CHSY3: variants seen among roughly 807,000 people sequenced by gnomAD.
CHSY3 encodes chondroitin sulfate synthase 3.
Under a neutral mutation model 67.2 loss-of-function variants are expected in CHSY3, and 35 were observed. The ratio of observed to expected loss-of-function variants is 0.52; its 90% CI spans 0.40 to 0.69. The LOEUF (loss-of-function observed/expected upper bound fraction) is 0.69. CHSY3 is among the 30% of genes least tolerant of loss of function. CHSY3 has a pLI of 0.00. For synonymous variants in CHSY3, 474 were observed against 434.7 expected, an observed-to-expected ratio of 1.09 and a Z score of -1.12; for missense variants, 1,069 against 1,138.5, an observed-to-expected ratio of 0.94 and a Z score of 0.88.
intron 2 of CHSY3, among the ~76,000 whole-genome samples, chr5:129,932,502 A>G (rs1761349504): frequency 6.6e-6 from 1 of 152,272 alleles, no homozygotes. Context: ...ATTGGACACC[A>G]TAACTAGCCA....
chr5:130,028,069 C>G (rs1277098621), intron 2 of CHSY3, among the ~76,000 whole-genome samples: 8 of 152,066 alleles, frequency 5.3e-5, no homozygotes, highest in African/African-American at 1.7e-4. Flanking sequence ...AATGGTTGAA[C>G]TAGTTTAATG....
chr5:130,001,855 A>T, intron 2 of CHSY3: 1 of 905,892 alleles, frequency 1.1e-6, no homozygotes, highest in East Asian at 1.2e-4. Flanking sequence ...AATTTAACCC[A>T]CTAATATAAT....
At chr5:129,997,342 A>G (rs1186729862) in intron 2 of CHSY3, among the ~76,000 whole-genome samples, 3 of 152,154 alleles carry the variant, frequency 2.0e-5, no homozygotes, top group Non-Finnish European at 4.4e-5. Context: ...TTTTAACCTC[A>G]TTTTTTAATT....
At chr5:130,098,171 ATC>A (rs1187802001) in intron 2 of CHSY3, among the ~76,000 whole-genome samples, 1 of 152,264 alleles carries the variant, frequency 6.6e-6, no homozygotes, top group African/African-American at 2.4e-5. Context: ...CCCTTGAAGT[ATC>A]CCTCATGAGA....
At chr5:129,961,257 A>G (rs1561474521) in intron 2 of CHSY3, among the ~76,000 whole-genome samples, 1 of 152,076 alleles carries the variant, frequency 6.6e-6, no homozygotes, top group African/African-American at 2.4e-5. Flanking sequence ...AAAAGCAGGG[A>G]AGGTATGTAA....
intron 2 of CHSY3, among the ~76,000 whole-genome samples, chr5:130,040,768 G>A (rs1208361180): frequency 6.6e-6 from 1 of 152,094 alleles, no homozygotes; most frequent in Non-Finnish European, 1.5e-5. Flanking sequence ...TATATTGACA[G>A]CATTTCTTGA....
rs754069758 is a variant in CHSY3 at position 130,140,951 on chromosome 5, T to C, written c.1087-43278T>C. Reference sequence around the variant, plus strand: ...ATTTGAAGAATTGAATGCTTACCTGTTCCATGGCACTCTAGACTCCGTAGA... The same window carrying C: ...ATTTGAAGAATTGAATGCTTACCTGCTCCATGGCACTCTAGACTCCGTAGA... On this transcript the variant is annotated intron_variant, in intron 2 of 2. Transcript: ENST00000305031. 1.6e-5 allele frequency: 14 copies of C among 854,022 alleles called. 1 individual carries two copies. The highest frequency in any genetic ancestry group is 5.4e-4 in the Middle Eastern group (1 of 1,836). The allele number at this position is 854,022 out of a possible 1,614,324, so 52.9% of individuals were successfully genotyped here. A position where few individuals can be genotyped will look rare whatever the true frequency, so the allele number is the denominator to read the frequency against.
At chr5:129,905,920 G>C in intron 1 of CHSY3, 1 of 566,792 alleles carries the variant, frequency 1.8e-6, no homozygotes, top group South Asian at 3.4e-5. Flanking sequence ...TACCTCGTCG[G>C]AGAGGTTAGA....
At chr5:130,028,200 A>G (rs1047681626) in intron 2 of CHSY3, among the ~76,000 whole-genome samples, 9 of 152,172 alleles carry the variant, frequency 5.9e-5, no homozygotes, top group Admixed American at 4.6e-4. Flanking sequence ...AAGAGCCCTC[A>G]TTGCCAAGAC....
chr5:130,002,582 T>G (rs1225555375), intron 2 of CHSY3, among the ~76,000 whole-genome samples: 1 of 152,066 alleles, frequency 6.6e-6, no homozygotes, highest in African/African-American at 2.4e-5. Flanking sequence ...CAGGCAGTCC[T>G]GATGCTAGTG....
intron 2 of CHSY3, chr5:129,974,825 C>T (rs143042570): frequency 1.1e-3 from 171 of 152,232 alleles, no homozygotes; most frequent in African/African-American, 3.9e-3. Flanking sequence ...TTTACATGAA[C>T]ATATATTATT....
intron 2 of CHSY3, among the ~76,000 whole-genome samples, chr5:130,149,782 C>T (rs1264104465): frequency 6.8e-6 from 1 of 146,890 alleles, no homozygotes; most frequent in African/African-American, 2.6e-5. Context: ...AGATTTGCCA[C>T]TGTGCATTTG....
chr5:130,023,966 A>AAGT (rs1764465378), intron 2 of CHSY3, among the ~76,000 whole-genome samples: 2 of 151,924 alleles, frequency 1.3e-5, no homozygotes, highest in South Asian at 4.2e-4. Context: ...TTTTGGCATG[A>AAGT]ACTACTTATC....
intron 2 of CHSY3, among the ~76,000 whole-genome samples, chr5:129,959,104 TA>T (rs1762258969): frequency 6.6e-6 from 1 of 152,140 alleles, no homozygotes; most frequent in South Asian, 2.1e-4. Context: ...TTCATATATT[TA>T]TTTTTCCTTC....
chr5:130,108,764 T>G (rs2149702630), intron 2 of CHSY3, among the ~76,000 whole-genome samples: 1 of 151,812 alleles, frequency 6.6e-6, no homozygotes, highest in Admixed American at 6.6e-5. Context: ...TGCTATATTA[T>G]CAACTTCAAA....
rs147806140 is a variant in CHSY3, at chr5:130,068,411, T to C, written c.1087-115818T>C. Reference sequence around the variant, plus strand: ...GGTGGGCTGTCTTCAGTTGTGCTGATTTCCTGTTTGTCAGTAGTCACCAAG... The same window carrying C: ...GGTGGGCTGTCTTCAGTTGTGCTGACTTCCTGTTTGTCAGTAGTCACCAAG... On this transcript the variant is annotated intron_variant, in intron 2 of 2. Transcript: ENST00000305031. 2.2e-3 allele frequency among the ~76,000 whole-genome samples: 338 copies of C among 152,228 alleles called. 1 individual carries two copies. The highest frequency in any genetic ancestry group is 7.6e-3 in the African/African-American group (315 of 41,554).
At chr5:130,111,108 C>T (rs1466429380) in intron 2 of CHSY3, among the ~76,000 whole-genome samples, 2 of 152,050 alleles carry the variant, frequency 1.3e-5, no homozygotes, top group Non-Finnish European at 2.9e-5. Context: ...GCTAGGCTCA[C>T]TGATGAGCAC....
chr5:130,129,191 T>A (rs959118849), intron 2 of CHSY3, among the ~76,000 whole-genome samples: 1 of 152,120 alleles, frequency 6.6e-6, no homozygotes, highest in African/African-American at 2.4e-5. Context: ...AATATAACAT[T>A]AATACAAGAT....
chr5:130,143,808 G>GTGTA (rs1193739433), intron 2 of CHSY3, among the ~76,000 whole-genome samples: 6 of 34,062 alleles, frequency 1.8e-4, no homozygotes, highest in South Asian at 1.4e-3. Context: ...ATATATATGT[G>GTGTA]TGTATATATA....
Sources: allele counts gnomAD v4.1 joint callset (sites outside exome capture counted in the v4.1 genomes callset), GRCh38; gene constraint gnomAD v4.1.1; transcripts MANE v1.5; gene names NCBI Gene and HGNC (gene_info 2026-07-23, HGNC 2026-07-21).